Variants in CSMD1 observed in about 807,000 individuals in gnomAD.
CSMD1 encodes the protein CUB and sushi domain-containing protein 1.
Under a neutral mutation model 417.5 loss-of-function variants are expected in CSMD1, and 213 were observed. That is an observed-to-expected ratio of 0.51 (90% CI 0.46 to 0.57). The LOEUF (loss-of-function observed/expected upper bound fraction) is 0.57, where lower values mean the gene tolerates loss of function less well. Among genes scored for constraint, CSMD1 ranks in the 20% least tolerant of loss-of-function variants. The pLI, the probability that CSMD1 is intolerant of heterozygous loss-of-function variation, is 0.00. For missense variants in CSMD1, 6,923 were observed against 4,529.7 expected (o/e 1.53, Z -15.17); for synonymous variants, 2,862 against 1,736.8 (o/e 1.65, Z -16.11).
intron 1 of CSMD1, among the ~76,000 whole-genome samples, chr8:4,747,377 G>C (rs34059473): frequency 0.077 from 11,773 of 152,156 alleles, 578 homozygotes; most frequent in Non-Finnish European, 0.11. Flanking sequence ...CGGTTTTCAT[G>C]GCGAGACACA....
intron 3 of CSMD1, among the ~76,000 whole-genome samples, chr8:4,047,116 G>A (rs1006462233): frequency 4.6e-5 from 7 of 152,162 alleles, no homozygotes; most frequent in Non-Finnish European, 1.0e-4. Flanking sequence ...TGGCTTCAAT[G>A]GAAGCTGTGG....
At chr8:4,407,971 C>G (rs1026948536) in intron 3 of CSMD1, among the ~76,000 whole-genome samples, 1 of 152,162 alleles carries the variant, frequency 6.6e-6, no homozygotes, top group Non-Finnish European at 1.5e-5. Flanking sequence ...CTCCTACACC[C>G]GGCAAAAATC....
chr8:4,382,509 T>C (rs1194814523), intron 3 of CSMD1, among the ~76,000 whole-genome samples: 1 of 152,202 alleles, frequency 6.6e-6, no homozygotes, highest in Non-Finnish European at 1.5e-5. Flanking sequence ...TGTTCACCGC[T>C]CTTCTTTTAA....
At chr8:3,856,784 A>G (rs572799644) in intron 5 of CSMD1, among the ~76,000 whole-genome samples, 1 of 152,154 alleles carries the variant, frequency 6.6e-6, no homozygotes, top group South Asian at 2.1e-4. Context: ...GAGACTGAGC[A>G]TATTACAGAT....
intron 3 of CSMD1, among the ~76,000 whole-genome samples, chr8:4,128,288 G>A (rs1000883798): frequency 6.6e-6 from 1 of 152,140 alleles, no homozygotes; most frequent in African/African-American, 2.4e-5. Flanking sequence ...AATGATCTGA[G>A]AAGACTCGTG....
At chr8:3,195,088 G>A (rs1796630143) in intron 33 of CSMD1, among the ~76,000 whole-genome samples, 1 of 152,192 alleles carries the variant, frequency 6.6e-6, no homozygotes, top group Non-Finnish European at 1.5e-5. Flanking sequence ...GGAACTGAAA[G>A]CAGCATTGAA....
At chr8:3,683,481 A>C (rs951278273) in intron 7 of CSMD1, among the ~76,000 whole-genome samples, 1 of 152,200 alleles carries the variant, frequency 6.6e-6, no homozygotes, top group African/African-American at 2.4e-5. Context: ...AGGGGTGTTC[A>C]TAGGTACCTG....
In CSMD1 at chr8:4,068,592, G is replaced by C. The variant is rs561719863; in HGVS notation, c.416-36493C>G. ...CCTTCTCAAATGAGGTGTTTGTAAT[G>C]ATTGCAGAAAACATATCTAGTTCAT... On this transcript the variant is annotated intron_variant, in intron 3 of 69. Coordinates refer to ENST00000635120, the MANE Select transcript of CSMD1 (RefSeq NM_033225.6). 1.4e-3 allele frequency among the ~76,000 whole-genome samples: 210 copies of C among 152,258 alleles called. 1 individual carries two copies. The highest frequency in any genetic ancestry group is 4.7e-3 in the African/African-American group (197 of 41,546).
At chr8:4,455,365 G>T (rs566074300) in intron 2 of CSMD1, among the ~76,000 whole-genome samples, 1 of 152,118 alleles carries the variant, frequency 6.6e-6, no homozygotes, top group Non-Finnish European at 1.5e-5. Context: ...CCAGAAGCTG[G>T]AAAACTGGTC....
At chr8:4,419,476 A>G (rs1024466758) in intron 3 of CSMD1, among the ~76,000 whole-genome samples, 1 of 152,164 alleles carries the variant, frequency 6.6e-6, no homozygotes, top group African/African-American at 2.4e-5. Flanking sequence ...ATAAGTCTCT[A>G]TGCCTTGCAT....
chr8:4,198,440 G>C (rs542545186), intron 3 of CSMD1, among the ~76,000 whole-genome samples: 1 of 152,290 alleles, frequency 6.6e-6, no homozygotes, highest in East Asian at 1.9e-4. Context: ...CATACCTGTG[G>C]TGGTTAGGTA....
intron 3 of CSMD1, among the ~76,000 whole-genome samples, chr8:4,234,478 G>A (rs955843016): frequency 7.2e-5 from 11 of 152,090 alleles, no homozygotes; most frequent in African/African-American, 2.7e-4. Context: ...TTTGAGACCT[G>A]CTTATCCTTG....
intron 1 of CSMD1, among the ~76,000 whole-genome samples, chr8:4,889,298 A>C (rs748883172): frequency 6.6e-6 from 1 of 152,146 alleles, no homozygotes; most frequent in African/African-American, 2.4e-5. Context: ...ATGAGGAAAC[A>C]TTAGAGAAAC....
chr8:4,608,352 G>T (rs1020303299), intron 2 of CSMD1, among the ~76,000 whole-genome samples: 1 of 152,172 alleles, frequency 6.6e-6, no homozygotes, highest in Non-Finnish European at 1.5e-5. Context: ...TAGCCACGGT[G>T]GTGGCTGACC....
chr8:4,355,412 G>A lies in CSMD1; in HGVS notation c.415+64541C>T, dbSNP rs147044459. 1.1e-4 allele frequency among the ~76,000 whole-genome samples: 17 copies of A among 151,978 alleles called. No individual in the cohort carries two copies. The East Asian group carries it at 1.7e-3, about 16-fold the overall frequency. On this transcript the variant is annotated intron_variant, in intron 3 of 69. Coordinates refer to ENST00000635120, the MANE Select transcript of CSMD1 (RefSeq NM_033225.6). ...GTTAAGAGTGTTCTTAACAGAAGTAGCGAATTCAGGTATCTTCTTTATGTG... is the reference window on the plus strand; with the variant it reads ...GTTAAGAGTGTTCTTAACAGAAGTAACGAATTCAGGTATCTTCTTTATGTG...
chr8:3,754,929 T>C (rs1797572863), intron 5 of CSMD1, among the ~76,000 whole-genome samples: 3 of 151,562 alleles, frequency 2.0e-5, no homozygotes, highest in Admixed American at 2.0e-4. Flanking sequence ...GCAAAAGAGA[T>C]TTGAAATGGA....
At chr8:3,273,630 G>C (rs955459822) in intron 26 of CSMD1, among the ~76,000 whole-genome samples, 10 of 152,192 alleles carry the variant, frequency 6.6e-5, no homozygotes, top group African/African-American at 2.4e-4. Context: ...GGTCTATTCA[G>C]AGATTCAACT....
intron 5 of CSMD1, among the ~76,000 whole-genome samples, chr8:3,979,735 A>C (rs1015446080): frequency 6.6e-6 from 1 of 152,226 alleles, no homozygotes; most frequent in Non-Finnish European, 1.5e-5. Context: ...CTTGATCCTA[A>C]ACTTCTAGCC....
At chr8:3,224,459 T>C (rs539337554) in intron 27 of CSMD1, among the ~76,000 whole-genome samples, 3 of 152,316 alleles carry the variant, frequency 2.0e-5, no homozygotes, top group South Asian at 4.1e-4. Flanking sequence ...GCATTTCACA[T>C]TCTCCCAGTC....
Sources: gnomAD v4.1 joint callset for allele counts (sites outside exome capture counted in the v4.1 genomes callset) on GRCh38, gnomAD v4.1.1 for gene constraint, MANE v1.5 for transcripts, NCBI Gene and HGNC (gene_info 2026-07-23, HGNC 2026-07-21) for gene names.